The following PTPRD variants were observed in gnomAD, a reference collection of about 807,000 sequenced individuals.
The protein encoded by PTPRD is protein tyrosine phosphatase receptor type D, also known as receptor-type tyrosine-protein phosphatase delta.
In PTPRD, 34 loss-of-function variants were observed where a neutral mutation model predicts 214.5. The observed-to-expected ratio is 0.16, with a 90% CI of 0.12 to 0.21. PTPRD has a LOEUF of 0.21. PTPRD is among the 10% of genes least tolerant of loss of function. PTPRD has a pLI of 1.00. For missense variants in PTPRD, 2,545 were observed against 2,398.7 expected (o/e 1.06, Z -1.27); for synonymous variants, 1,128 against 845.7 (o/e 1.33, Z -5.79).
chr9:10,026,646 A>G (rs897227395), intron 4 of PTPRD, among the ~76,000 whole-genome samples: 2 of 152,168 alleles, frequency 1.3e-5, no homozygotes, highest in Non-Finnish European at 2.9e-5. Flanking sequence ...TTTTCTCAAT[A>G]GAGGAGCACT....
intron 2 of PTPRD, among the ~76,000 whole-genome samples, chr9:10,562,066 TGAG>T (rs939001271): frequency 3.0e-4 from 45 of 152,154 alleles, no homozygotes; most frequent in African/African-American, 1.0e-3. Context: ...TAACATTAAT[TGAG>T]GAGTGAAACA....
chr9:8,829,461 C>A (rs2097242788), intron 11 of PTPRD, among the ~76,000 whole-genome samples: 1 of 152,144 alleles, frequency 6.6e-6, no homozygotes, highest in East Asian at 1.9e-4. Flanking sequence ...TACATCAGTT[C>A]ATTACTTTTG....
intron 10 of PTPRD, among the ~76,000 whole-genome samples, chr9:9,126,756 C>T (rs2099834512): frequency 6.6e-6 from 1 of 152,194 alleles, no homozygotes; most frequent in African/African-American, 2.4e-5. Flanking sequence ...AGCTCAAAGA[C>T]AATCACTGAA....
chr9:10,564,893 T>A (rs2065145661), intron 2 of PTPRD, among the ~76,000 whole-genome samples: 1 of 152,160 alleles, frequency 6.6e-6, no homozygotes, highest in East Asian at 1.9e-4. Flanking sequence ...GCTATTCAGT[T>A]AATTAATAAC....
intron 11 of PTPRD, among the ~76,000 whole-genome samples, chr9:9,003,515 C>T (rs549010032): frequency 7.9e-5 from 12 of 152,008 alleles, no homozygotes; most frequent in Non-Finnish European, 1.8e-4. Flanking sequence ...TGAGCTAAGA[C>T]ATGACTGGTC....
At chr9:10,265,725 G>T (rs2025152) in intron 3 of PTPRD, among the ~76,000 whole-genome samples, 2 of 151,930 alleles carry the variant, frequency 1.3e-5, no homozygotes, top group African/African-American at 4.8e-5. Flanking sequence ...CAAATAGGCA[G>T]CATCCGGACC....
chr9:9,498,530 A>T (rs1004998931), intron 8 of PTPRD, among the ~76,000 whole-genome samples: 1 of 152,110 alleles, frequency 6.6e-6, no homozygotes, highest in Non-Finnish European at 1.5e-5. Flanking sequence ...AGTATTTAAG[A>T]AGTAGATATG....
intron 7 of PTPRD, among the ~76,000 whole-genome samples, chr9:9,725,478 G>A (rs1328142860): frequency 6.6e-6 from 1 of 151,990 alleles, no homozygotes; most frequent in Non-Finnish European, 1.5e-5. Flanking sequence ...GTGTGAAAAT[G>A]GACTAAGAAA....
intron 11 of PTPRD, among the ~76,000 whole-genome samples, chr9:8,901,080 A>C (rs1277331820): frequency 6.6e-6 from 1 of 152,210 alleles, no homozygotes; most frequent in Non-Finnish European, 1.5e-5. Flanking sequence ...CAAGAAGGGC[A>C]TTTGAACAGT....
intron 3 of PTPRD, among the ~76,000 whole-genome samples, chr9:10,304,315 G>A (rs763892482): frequency 3.3e-5 from 5 of 152,152 alleles, no homozygotes; most frequent in African/African-American, 4.8e-5. Flanking sequence ...CATACAGAAT[G>A]GGGAAAAACC....
intron 2 of PTPRD, among the ~76,000 whole-genome samples, chr9:10,425,275 C>CAA (rs537250707): frequency 1.3e-5 from 2 of 151,554 alleles, no homozygotes; most frequent in East Asian, 3.9e-4. Context: ...AAATGCTAAA[C>CAA]AAAAAAAATC....
chr9:9,395,483 A>C (rs1273986417), intron 9 of PTPRD, among the ~76,000 whole-genome samples: 3 of 152,078 alleles, frequency 2.0e-5, no homozygotes, highest in Non-Finnish European at 2.9e-5. Flanking sequence ...TGGTTTAAGA[A>C]AGGAGAGTTT....
At chr9:8,509,441 T>G (rs991500449) in intron 21 of PTPRD, among the ~76,000 whole-genome samples, 1 of 152,154 alleles carries the variant, frequency 6.6e-6, no homozygotes, top group African/African-American at 2.4e-5. Flanking sequence ...TTTGCTTCTT[T>G]CTTTCTCCCA....
intron 9 of PTPRD, among the ~76,000 whole-genome samples, chr9:9,360,792 T>C (rs1023515928): frequency 3.3e-5 from 5 of 151,128 alleles, no homozygotes; most frequent in African/African-American, 9.7e-5. Flanking sequence ...GATACATTCA[T>C]TGAAAAAGAT....
intron 5 of PTPRD, among the ~76,000 whole-genome samples, chr9:9,864,509 G>GTTTTTACTT (rs1555236940): frequency 1.3e-5 from 2 of 151,802 alleles, no homozygotes; most frequent in African/African-American, 2.4e-5. Context: ...TTTGTTGTTT[G>GTTTTTACTT]TTTTTACTTT....
intron 34 of PTPRD, among the ~76,000 whole-genome samples, chr9:8,438,241 T>C (rs1025475393): frequency 2.0e-5 from 3 of 152,196 alleles, no homozygotes; most frequent in Non-Finnish European, 4.4e-5. Context: ...TGCCAAATTA[T>C]TAATGGTTCT....
chr9:9,087,839 A>C (rs1006059264), intron 10 of PTPRD, among the ~76,000 whole-genome samples: 4 of 150,830 alleles, frequency 2.7e-5, no homozygotes, highest in Non-Finnish European at 4.4e-5. Context: ...GATGTCAAAT[A>C]GAACATAATA....
intron 3 of PTPRD, among the ~76,000 whole-genome samples, chr9:10,162,421 T>C (rs291279): frequency 0.32 from 48,559 of 150,810 alleles, 9,973 homozygotes; most frequent in Middle Eastern, 0.49. Flanking sequence ...TATATCATTA[T>C]ATTAAGTGAG....
chr9:9,493,322 A>G (rs2096006624), intron 8 of PTPRD, among the ~76,000 whole-genome samples: 1 of 152,134 alleles, frequency 6.6e-6, no homozygotes, highest in Non-Finnish European at 1.5e-5. Flanking sequence ...CTGCTCAGAT[A>G]AAAAGATTTC....
Sources: gnomAD v4.1 joint callset for allele counts (sites outside exome capture counted in the v4.1 genomes callset) on GRCh38, gnomAD v4.1.1 for gene constraint, MANE v1.5 for transcripts, NCBI Gene and HGNC (gene_info 2026-07-23, HGNC 2026-07-21) for gene names.